TMC1: variants seen among roughly 807,000 people sequenced by gnomAD.
The protein encoded by TMC1 is transmembrane channel-like protein 1.
TMC1 carries 84 observed loss-of-function variants against 105.8 expected under a neutral mutation model. The observed-to-expected ratio is 0.79, with a 90% CI of 0.67 to 0.95. The LOEUF is 0.95. Among genes scored for constraint, TMC1 ranks in the 40% least tolerant of loss-of-function variants. The probability of loss-of-function intolerance (pLI) is 0.00; values close to 1 mark genes in which losing one functional copy is unlikely to be tolerated. For synonymous variants in TMC1, 315 were observed against 311.5 expected, an observed-to-expected ratio of 1.01 and a Z score of -0.12; for missense variants, 817 against 914.1, an observed-to-expected ratio of 0.89 and a Z score of 1.37.
Position 72,772,510 on chromosome 9 carries a change from T to G in TMC1, c.839T>G (p.Val280Gly). 1 of 1,613,918 alleles carries G rather than the reference T, an allele frequency of 6.2e-7. No individual in the cohort carries two copies. The highest frequency in any genetic ancestry group is 8.5e-7 in the Non-Finnish European group (1 of 1,179,848). The change falls in exon 13 of 24, where the codon GTG becomes GGG. Residue 280 changes from valine to glycine, a missense_variant. Val to Gly is a moderately radical substitution (Grantham distance 109). Transcript: ENST00000297784. ...AGGTTGCCGCTCTCCTATTTTCTAG[T>G]GGGGATTATGTGCATTGGATACAGC... The part of the protein sequence containing the change: ...NFRLPLSYFL[V>G]GIMCIGYSFL...
chr9:72,636,193 G>C (rs1031056688), intron 4 of TMC1, among the ~76,000 whole-genome samples: 1 of 152,164 alleles, frequency 6.6e-6, no homozygotes, highest in African/African-American at 2.4e-5. Context: ...ATTTAAGTTA[G>C]ACGCATCTCT....
In TMC1 at chr9:72,820,939, G is replaced by A. The variant is rs1828859781; in HGVS notation, c.1861G>A (p.Val621Ile). ...GTGCTGGGCCGTTATGTGCTGCAAT[G>A]TTCCTGAGGCCAGGGTCTTCAAAGC... The part of the protein sequence containing the change: ...FQCWAVMCCN[V>I]PEARVFKASR... The change falls in exon 20 of 24, where the codon GTT (valine) becomes ATT (isoleucine). Residue 621 changes from valine (V) to isoleucine (I), a missense_variant. Physicochemically the swap from Val to Ile is conservative, Grantham distance 29. Coordinates refer to ENST00000297784, the MANE Select transcript of TMC1 (RefSeq NM_138691.3). 1.2e-6 allele frequency: 2 copies of A among 1,614,148 alleles called. No homozygotes were observed. The highest frequency in any genetic ancestry group is 1.6e-4 in the Middle Eastern group (1 of 6,062).
At chr9:72,712,201 G>A (rs1461318796) in intron 8 of TMC1, among the ~76,000 whole-genome samples, 7 of 152,116 alleles carry the variant, frequency 4.6e-5, no homozygotes, top group Admixed American at 4.6e-4. Context: ...ATCAGGTAGT[G>A]TGATGCCTCC....
At chr9:72,542,148 A>G (rs936103098) in intron 1 of TMC1, among the ~76,000 whole-genome samples, 2 of 151,854 alleles carry the variant, frequency 1.3e-5, no homozygotes, top group Non-Finnish European at 2.9e-5. Context: ...ACTTGTTGAA[A>G]CCCCATGTCT....
chr9:72,678,383 T>G (rs1826236016), intron 5 of TMC1, among the ~76,000 whole-genome samples: 1 of 151,808 alleles, frequency 6.6e-6, no homozygotes, highest in African/African-American at 2.4e-5. Flanking sequence ...AGAGCAAAAA[T>G]GAATTATATT....
chr9:72,789,362 T>C, intron 15 of TMC1, 45 bp downstream of exon 15: 1 of 1,584,800 alleles, frequency 6.3e-7, no homozygotes, highest in Non-Finnish European at 8.7e-7. Flanking sequence ...CTGACATTTG[T>C]TTCTTTTGTG....
chr9:72,636,680 C>T (rs1406798607), intron 4 of TMC1, among the ~76,000 whole-genome samples: 4 of 129,668 alleles, frequency 3.1e-5, no homozygotes, highest in Admixed American at 9.3e-5. Flanking sequence ...TGCACTCCAG[C>T]CTGGGTGACA....
At chr9:72,756,964 T>C (rs1827684770) in intron 12 of TMC1, among the ~76,000 whole-genome samples, 1 of 152,126 alleles carries the variant, frequency 6.6e-6, no homozygotes, top group South Asian at 2.1e-4. Context: ...TTCCCAAGAT[T>C]GTATCACTGC....
chr9:72,817,418 C>T (rs375437554), intron 19 of TMC1: 1 of 152,046 alleles, frequency 6.6e-6, no homozygotes, highest in African/African-American at 2.4e-5. Flanking sequence ...CAAGGTGGCC[C>T]GAGGAACGTC....
chr9:72,702,840 G>A (rs1826666390), intron 8 of TMC1, among the ~76,000 whole-genome samples: 1 of 152,104 alleles, frequency 6.6e-6, no homozygotes, highest in African/African-American at 2.4e-5. Flanking sequence ...TCAGGCCTTG[G>A]TCTGGAGTCC....
chr9:72,644,023 T>G (rs1318092421), intron 4 of TMC1, among the ~76,000 whole-genome samples: 1 of 152,140 alleles, frequency 6.6e-6, no homozygotes, highest in Non-Finnish European at 1.5e-5. Context: ...TTCCCTAGTG[T>G]CTAGTTATGT....
At chr9:72,820,546 G>A (rs1027098473) in intron 19 of TMC1, among the ~76,000 whole-genome samples, 44 of 152,232 alleles carry the variant, frequency 2.9e-4, no homozygotes, top group African/African-American at 9.6e-4. Flanking sequence ...TGTAAATATT[G>A]TTTACTCTGT....
intron 2 of TMC1, among the ~76,000 whole-genome samples, chr9:72,601,502 G>A (rs562280854): frequency 6.6e-6 from 1 of 152,130 alleles, no homozygotes; most frequent in Admixed American, 6.6e-5. Context: ...AAATTAGCTG[G>A]GCAGTAGTGG....
intron 3 of TMC1, among the ~76,000 whole-genome samples, chr9:72,618,217 C>G (rs1043521912): frequency 6.6e-5 from 10 of 151,564 alleles, no homozygotes; most frequent in African/African-American, 1.5e-4. Flanking sequence ...TTAGTGGAGA[C>G]TGGGTTTCAC....
intron 20 of TMC1, among the ~76,000 whole-genome samples, chr9:72,821,936 A>G (rs78619804): frequency 6.6e-6 from 1 of 152,222 alleles, no homozygotes; most frequent in African/African-American, 2.4e-5. Flanking sequence ...ATCACATGCT[A>G]GTGAAAAAAA....
intron 8 of TMC1, among the ~76,000 whole-genome samples, chr9:72,716,002 C>T (rs1285468259): frequency 6.6e-6 from 1 of 152,200 alleles, no homozygotes; most frequent in Non-Finnish European, 1.5e-5. Flanking sequence ...AGTTTTCCTT[C>T]TAACCATCAG....
At chr9:72,613,568 CTCT>C (rs1180001491) in intron 2 of TMC1, among the ~76,000 whole-genome samples, 1 of 152,128 alleles carries the variant, frequency 6.6e-6, no homozygotes, top group Non-Finnish European at 1.5e-5. Context: ...CAAAACCTAT[CTCT>C]TCTTGGATTT....
intron 3 of TMC1, among the ~76,000 whole-genome samples, chr9:72,627,147 A>G (rs1340569892): frequency 1.3e-5 from 2 of 151,866 alleles, no homozygotes; most frequent in Non-Finnish European, 2.9e-5. Context: ...TTCAGTGTCC[A>G]TTGGTGCCTT....
intron 5 of TMC1, among the ~76,000 whole-genome samples, chr9:72,661,561 A>G (rs1345190657): frequency 3.9e-5 from 6 of 152,200 alleles, no homozygotes; most frequent in African/African-American, 7.2e-5. Flanking sequence ...TCAGTAAGAC[A>G]TAGTTTCTCC....
Sources: gnomAD v4.1 joint callset for allele counts (sites outside exome capture counted in the v4.1 genomes callset) on GRCh38, gnomAD v4.1.1 for gene constraint, MANE v1.5 for transcripts, NCBI Gene and HGNC (gene_info 2026-07-23, HGNC 2026-07-21) for gene names.